PILRA: variants seen among roughly 807,000 people sequenced by gnomAD.
PILRA encodes paired immunoglobin like type 2 receptor alpha.
A neutral mutation model predicts 33.1 loss-of-function variants in PILRA; 37 were observed. The ratio of observed to expected loss-of-function variants is 1.12; its 90% confidence interval spans 0.86 to 1.47. The LOEUF is 1.47. Ranked by LOEUF, PILRA falls within the 40% of genes most tolerant of loss-of-function variation. The probability of loss-of-function intolerance (pLI) is 0.00; values close to 1 mark genes in which losing one functional copy is unlikely to be tolerated. For missense variants in PILRA, 312 were observed against 376.2 expected, an observed-to-expected ratio of 0.83 and a Z score of 1.41; for synonymous variants, 146 against 149.9, an observed-to-expected ratio of 0.97 and a Z score of 0.19.
chr7:100,373,998 A>G, intron 1 of PILRA, 46 bp from the exon 2 acceptor site: 1 of 1,592,546 alleles, frequency 6.3e-7, no homozygotes, highest in Non-Finnish European at 8.6e-7. Flanking sequence ...TTGTGTCTTG[A>G]GGTGGTTTCA....
At chr7:100,373,856 G>A in intron 1 of PILRA, 136 bp downstream of exon 1, 2 of 1,315,172 alleles carry the variant, frequency 1.5e-6, no homozygotes, top group African/African-American at 1.5e-5. Flanking sequence ...ACAGGGGCGG[G>A]TGACCCCATC....
At chr7:100,386,863 T>C (rs1309381845) in intron 2 of PILRA, among the ~76,000 whole-genome samples, 1 of 151,918 alleles carries the variant, frequency 6.6e-6, no homozygotes, top group Non-Finnish European at 1.5e-5. Context: ...AACTTTTGAA[T>C]GGATATTAGC....
chr7:100,383,472 G>A (rs958550196), intron 2 of PILRA, among the ~76,000 whole-genome samples: 1 of 152,152 alleles, frequency 6.6e-6, no homozygotes, highest in Admixed American at 6.6e-5. Context: ...CCAGTCACAT[G>A]GGACAAGTGT....
intron 2 of PILRA, among the ~76,000 whole-genome samples, chr7:100,375,651 G>C (rs1045495902): frequency 6.6e-6 from 1 of 152,218 alleles, no homozygotes; most frequent in African/African-American, 2.4e-5. Context: ...AGAATCACTT[G>C]AACCGGGGAG....
chr7:100,399,292 G>A lies in PILRA; in HGVS notation c.709G>A (p.Glu237Lys). 1 of 1,611,084 alleles carries A rather than the reference G, an allele frequency of 6.2e-7. No homozygotes were observed. The highest frequency in any genetic ancestry group is 1.1e-5 in the South Asian group (1 of 90,910). The change falls in exon 5 of 7, where the codon GAA becomes AAA. Residue 237 changes from glutamate to lysine, a missense_variant and splice_region_variant. Transcript: ENST00000198536. ...TCCTGTCCTCTTGTTCCCATACAGG[G>A]AACCCTTCCAAAACACAGAGGAGCC... Reference protein sequence around the residue: ...QRTKATTPAREPFQNTEEPYE... With the variant: ...QRTKATTPARKPFQNTEEPYE...
chr7:100,374,353 G>A lies in PILRA; in HGVS notation c.374G>A (p.Cys125Tyr). The A allele has an allele frequency of 1.2e-6, 2 of 1,614,088 alleles. No individual in the cohort carries two copies. The highest frequency in any genetic ancestry group is 1.7e-6 in the Non-Finnish European group (2 of 1,180,002). ...LQKQDQSVYF[C>Y]RVELDTRSSG... is the part of the protein sequence containing the mutation. ...AAGCAGGACCAGTCTGTGTATTTCT[G>A]CCGAGTTGAGCTGGACACACGGAGC... Residue 125 changes from cysteine (C) to tyrosine (Y), a missense_variant, in exon 2 of 7, where the codon TGC (cysteine) becomes TAC (tyrosine). Physicochemically the swap from Cys to Tyr is radical, Grantham distance 194. Coordinates refer to ENST00000198536, the MANE Select transcript of PILRA (RefSeq NM_013439.3).
At chr7:100,373,838 C>G in intron 1 of PILRA, 118 bp downstream of exon 1, 1 of 1,412,618 alleles carries the variant, frequency 7.1e-7, no homozygotes. Flanking sequence ...GAAACAAGGG[C>G]GGGTCCCACA....
chr7:100,393,822 GA>G (rs953633439), intron 3 of PILRA, among the ~76,000 whole-genome samples: 93 of 148,118 alleles, frequency 6.3e-4, no homozygotes, highest in Admixed American at 2.6e-3. Context: ...AGGAAGAAAG[GA>G]AAAAAAAAAT....
intron 2 of PILRA, 49 bp from the exon 3 acceptor site, chr7:100,389,839 C>A: frequency 1.3e-6 from 2 of 1,518,110 alleles, no homozygotes; most frequent in Non-Finnish European, 1.8e-6. Context: ...TTCACCCAGA[C>A]ACCCTGTGCC....
At chr7:100,379,439 G>A (rs1791032730) in intron 2 of PILRA, among the ~76,000 whole-genome samples, 3 of 152,042 alleles carry the variant, frequency 2.0e-5, no homozygotes. Context: ...AGGCCGAGGA[G>A]GGTAGATCTT....
Position 100,399,624 on chromosome 7 carries a change from G to T in PILRA, c.789+12G>T. ...AGCTAAATCCCAAGGTAAGCAATCA[G>T]ACCAGGGCCTGAAGGAATTAAAGAG... On this transcript the variant is annotated intron_variant, in intron 6 of 6. Coordinates refer to ENST00000198536, the MANE Select transcript of PILRA (RefSeq NM_013439.3). 6.2e-7 allele frequency: 1 copy of T among 1,614,076 alleles called. No homozygotes were observed. Among genetic ancestry groups the T allele is most frequent in the African/African-American group, 1.3e-5 (1 of 75,040 alleles).
chr7:100,374,044 G>A lies in PILRA; in HGVS notation c.65G>A (p.Ser22Asn), dbSNP rs750858278. The A allele has an allele frequency of 4.3e-6, 7 of 1,613,258 alleles. No individual in the cohort carries two copies. The highest frequency in any genetic ancestry group is 5.9e-6 in the Non-Finnish European group (7 of 1,179,508). ...LLLPPAFLQP[S>N]GSTGSGPSYL... ...CCTACTCACTCCCTCCCTCCTCTAG[G>A]TGGCTCCACAGGATCTGGTCCAAGC... The change falls in exon 2 of 7, where the codon AGT (serine) becomes AAT (asparagine). Residue 22 changes from serine (S) to asparagine (N), a missense_variant and splice_region_variant. Transcript: ENST00000198536.
chr7:100,395,294 G>A (rs536850713), intron 3 of PILRA, among the ~76,000 whole-genome samples: 55 of 152,230 alleles, frequency 3.6e-4, no homozygotes, highest in African/African-American at 1.3e-3. Context: ...TGACGGCTCT[G>A]CCAAACGGAT....
chr7:100,387,646 C>T (rs1791282898), intron 2 of PILRA, among the ~76,000 whole-genome samples: 1 of 152,122 alleles, frequency 6.6e-6, no homozygotes, highest in South Asian at 2.1e-4. Flanking sequence ...GTGGAGGCTG[C>T]AGTGAGGTAC....
At chr7:100,380,524 G>C (rs1455153814) in intron 2 of PILRA, among the ~76,000 whole-genome samples, 2 of 152,098 alleles carry the variant, frequency 1.3e-5, no homozygotes, top group Non-Finnish European at 2.9e-5. Flanking sequence ...GGCTGGGCGT[G>C]GTGGCTCATG....
chr7:100,382,007 A>ACCCCACCCCC (rs1791113638), intron 2 of PILRA, among the ~76,000 whole-genome samples: 2 of 101,358 alleles, frequency 2.0e-5, no homozygotes, highest in African/African-American at 7.4e-5. Flanking sequence ...CCCCACCCCC[A>ACCCCACCCCC]CCCCCACCCC....
At chr7:100,394,944 A>G (rs1016633379) in intron 3 of PILRA, among the ~76,000 whole-genome samples, 18 of 152,360 alleles carry the variant, frequency 1.2e-4, no homozygotes, top group African/African-American at 3.1e-4. Context: ...AGCACAAGCC[A>G]CAAAAGAAAA....
chr7:100,379,961 T>G (rs1791050496), intron 2 of PILRA, among the ~76,000 whole-genome samples: 1 of 152,160 alleles, frequency 6.6e-6, no homozygotes, highest in Admixed American at 6.5e-5. Context: ...CTGTAAAGTT[T>G]CAGTAATGCT....
At chr7:100,380,411 C>G (rs956369359) in intron 2 of PILRA, among the ~76,000 whole-genome samples, 7 of 152,180 alleles carry the variant, frequency 4.6e-5, no homozygotes, top group Admixed American at 1.3e-4. Flanking sequence ...TAAGAGACCT[C>G]GTGCATGTGA....
Sources: allele counts gnomAD v4.1 joint callset (sites outside exome capture counted in the v4.1 genomes callset), GRCh38; gene constraint gnomAD v4.1.1; transcripts MANE v1.5; gene names NCBI Gene and HGNC (gene_info 2026-07-23, HGNC 2026-07-21).